Variants in ITCH observed in about 807,000 individuals in gnomAD.
The protein encoded by ITCH is itchy E3 ubiquitin protein ligase.
A neutral mutation model predicts 126.8 loss-of-function variants in ITCH; 28 were observed. The ratio of observed to expected loss-of-function variants is 0.22; its 90% confidence interval spans 0.16 to 0.30. The LOEUF (loss-of-function observed/expected upper bound fraction) is 0.30, where lower values mean the gene tolerates loss of function less well. Ranked by LOEUF, ITCH falls within the 10% of genes least tolerant of loss-of-function variation. The probability of loss-of-function intolerance (pLI) is 1.00; values close to 1 mark genes in which losing one functional copy is unlikely to be tolerated. For missense variants in ITCH, 631 were observed against 1,032.4 expected (o/e 0.61, Z 5.33); for synonymous variants, 342 against 340.0 (o/e 1.01, Z -0.06).
At chr20:34,463,325 A>G (rs930738206) in intron 14 of ITCH, among the ~76,000 whole-genome samples, 5 of 152,184 alleles carry the variant, frequency 3.3e-5, no homozygotes, top group African/African-American at 1.2e-4. Context: ...ATCATGCCAC[A>G]GCACTCCAGC....
At chr20:34,375,696 ATT>A (rs5841171) in intron 2 of ITCH, among the ~76,000 whole-genome samples, 135 of 65,508 alleles carry the variant, frequency 2.1e-3, no homozygotes, top group African/African-American at 8.4e-3. Context: ...GGTAGTTAAA[ATT>A]TTTTTTTTTT....
intron 17 of ITCH, among the ~76,000 whole-genome samples, chr20:34,478,838 G>A (rs998855707): frequency 7.2e-5 from 11 of 151,972 alleles, no homozygotes; most frequent in African/African-American, 2.4e-4. Context: ...TAAGTTAAAG[G>A]CAATTGAAGA....
chr20:34,470,938 C>T (rs1366548888), intron 15 of ITCH, among the ~76,000 whole-genome samples: 1 of 152,158 alleles, frequency 6.6e-6, no homozygotes, highest in Non-Finnish European at 1.5e-5. Context: ...TAGATAAATA[C>T]ATGTTCATAC....
chr20:34,376,935 G>A (rs2037868370), intron 2 of ITCH, among the ~76,000 whole-genome samples: 1 of 152,116 alleles, frequency 6.6e-6, no homozygotes, highest in Admixed American at 6.6e-5. Context: ...GTACAAACTG[G>A]GATATGGGAA....
intron 2 of ITCH, among the ~76,000 whole-genome samples, chr20:34,374,228 T>C (rs1344163346): frequency 2.0e-5 from 3 of 152,338 alleles, no homozygotes; most frequent in Non-Finnish European, 4.4e-5. Flanking sequence ...CAATTTTGTC[T>C]TGATTATTTT....
chr20:34,457,748 GGAA>G (rs1371258470), intron 13 of ITCH, among the ~76,000 whole-genome samples: 1 of 152,142 alleles, frequency 6.6e-6, no homozygotes, highest in Non-Finnish European at 1.5e-5. Context: ...TTTGAGGCCA[GGAA>G]GACCTGCGTA....
Position 34,471,438 on chromosome 20 carries a change from T to C in ITCH, c.1498-6T>C. The C allele has an allele frequency of 6.3e-7, 1 of 1,582,260 alleles. No homozygotes were observed. Among genetic ancestry groups the C allele is most frequent in the Non-Finnish European group, 8.7e-7 (1 of 1,150,894 alleles). On this transcript the variant is annotated splice_region_variant and splice_polypyrimidine_tract_variant and intron_variant, in intron 15 of 24. Coordinates refer to ENST00000374864, the MANE Select transcript of ITCH (RefSeq NM_031483.7). ...AGAGTTGACTTAAGTCATTCTTCTA[T>C]TTCAGCAACTGGCCATGCCACAGCA...
At chr20:34,434,872 C>T (rs981899352) in intron 7 of ITCH, among the ~76,000 whole-genome samples, 1 of 152,152 alleles carries the variant, frequency 6.6e-6, no homozygotes, top group African/African-American at 2.4e-5. Context: ...CCAATGTTGG[C>T]TTGGTCTCTT....
Position 34,375,340 on chromosome 20 carries a change from CTTTT to C in ITCH, c.-22+5885_-22+5888del, listed in dbSNP as rs61157752. On this transcript the variant is annotated intron_variant, in intron 2 of 24. Coordinates refer to ENST00000374864, the MANE Select transcript of ITCH (RefSeq NM_031483.7). ...ACAGGCGTGAGCCACCGCACCTGGC[CTTTT>C]TTTTTTTTTTTTTTAATGGAGGTAA... is the stretch of plus-strand genomic sequence containing the variant. 1.6e-4 allele frequency among the ~76,000 whole-genome samples: 20 copies of C among 128,120 alleles called. No individual in the cohort carries two copies. In the South Asian group the frequency reaches 4.5e-3, roughly 29 times the overall value. The allele number at this position is 128,120 out of a possible 152,430, so 84.1% of individuals were successfully genotyped here.
At chr20:34,486,580 C>T (rs920862656) in intron 20 of ITCH, among the ~76,000 whole-genome samples, 4 of 151,984 alleles carry the variant, frequency 2.6e-5, no homozygotes, top group Non-Finnish European at 5.9e-5. Flanking sequence ...CCTGCCTCAG[C>T]GTCCCAAAGT....
intron 6 of ITCH, among the ~76,000 whole-genome samples, chr20:34,415,872 C>T (rs1568915567): frequency 6.6e-6 from 1 of 152,116 alleles, no homozygotes; most frequent in African/African-American, 2.4e-5. Flanking sequence ...GCCTGTAATC[C>T]CAGCACTTTG....
intron 23 of ITCH, among the ~76,000 whole-genome samples, chr20:34,501,966 A>G (rs975353465): frequency 1.3e-5 from 2 of 152,180 alleles, no homozygotes; most frequent in Admixed American, 6.5e-5. Flanking sequence ...TTAAAAGCAT[A>G]GTATCAGAAT....
At chr20:34,507,357 ATTGT>A (rs1196329077) in intron 24 of ITCH, among the ~76,000 whole-genome samples, 22 of 129,924 alleles carry the variant, frequency 1.7e-4, no homozygotes, top group African/African-American at 6.3e-4. Context: ...GTGGTATCTC[ATTGT>A]GGTTTTTATT....
intron 12 of ITCH, among the ~76,000 whole-genome samples, chr20:34,456,942 G>T (rs907842185): frequency 6.6e-6 from 1 of 151,526 alleles, no homozygotes; most frequent in Non-Finnish European, 1.5e-5. Context: ...TCCCTAAATG[G>T]AGACCTGAGT....
intron 24 of ITCH, 60 bp from the exon 25 acceptor site, chr20:34,507,630 TACTAC>T: frequency 1.6e-6 from 2 of 1,217,140 alleles, no homozygotes; most frequent in Non-Finnish European, 2.4e-6. Flanking sequence ...TAAAGTAGTA[TACTAC>T]ACTACTCATT....
chr20:34,387,470 C>T (rs547565041), intron 2 of ITCH, among the ~76,000 whole-genome samples: 124 of 151,996 alleles, frequency 8.2e-4, no homozygotes, highest in African/African-American at 2.7e-3. Flanking sequence ...GTCTCTATCT[C>T]CCTGTAAAAA....
chr20:34,378,409 G>A (rs1409672936), intron 2 of ITCH, among the ~76,000 whole-genome samples: 1 of 136,362 alleles, frequency 7.3e-6, no homozygotes, highest in East Asian at 2.3e-4. Context: ...GGAGGCAGAG[G>A]TTGCAGTGAG....
At chr20:34,443,060 T>A (rs968183674) in intron 10 of ITCH, among the ~76,000 whole-genome samples, 4 of 152,078 alleles carry the variant, frequency 2.6e-5, no homozygotes, top group South Asian at 2.1e-4. Flanking sequence ...ATTAGTTTCT[T>A]CAAGAGTAAT....
chr20:34,487,633 C>A (rs1032585631), intron 20 of ITCH, among the ~76,000 whole-genome samples: 1 of 152,136 alleles, frequency 6.6e-6, no homozygotes, highest in Non-Finnish European at 1.5e-5. Context: ...AACACTACTT[C>A]TTGTACAATA....
Sources: allele counts gnomAD v4.1 joint callset (sites outside exome capture counted in the v4.1 genomes callset), GRCh38; gene constraint gnomAD v4.1.1; transcripts MANE v1.5; gene names NCBI Gene and HGNC (gene_info 2026-07-23, HGNC 2026-07-21).